The following LYPD6B variants were observed in gnomAD, a reference collection of about 807,000 sequenced individuals.
LYPD6B encodes ly6/PLAUR domain-containing protein 6B.
Under a neutral mutation model 22.8 loss-of-function variants are expected in LYPD6B, and 17 were observed. The observed-to-expected ratio is 0.75, with a 90% CI of 0.51 to 1.12. The LOEUF (loss-of-function observed/expected upper bound fraction) is 1.12. Among genes scored for constraint, LYPD6B ranks in the 50% most tolerant of loss-of-function variants. LYPD6B has a pLI of 0.00. For synonymous variants in LYPD6B, 106 were observed against 91.6 expected, an observed-to-expected ratio of 1.16 and a Z score of -0.90; for missense variants, 221 against 258.3, an observed-to-expected ratio of 0.86 and a Z score of 0.99.
intron 1 of LYPD6B, among the ~76,000 whole-genome samples, chr2:149,053,251 A>G (rs1390111945): frequency 6.6e-6 from 1 of 152,230 alleles, no homozygotes; most frequent in African/African-American, 2.4e-5. Flanking sequence ...GTGCTTTTAT[A>G]TTCCTTGTCT....
chr2:149,121,467 G>A (rs1314281333), intron 1 of LYPD6B, among the ~76,000 whole-genome samples: 1 of 152,124 alleles, frequency 6.6e-6, no homozygotes, highest in Non-Finnish European at 1.5e-5. Flanking sequence ...GATGATTGTT[G>A]CAGTCCCAGC....
chr2:149,098,862 C>T (rs1001316234), intron 1 of LYPD6B, among the ~76,000 whole-genome samples: 6 of 150,936 alleles, frequency 4.0e-5, no homozygotes, highest in African/African-American at 1.5e-4. Context: ...TGCACTTTTA[C>T]AAGGCTCCCA....
At chr2:149,094,448 A>G (rs1685809643) in intron 1 of LYPD6B, among the ~76,000 whole-genome samples, 5 of 152,294 alleles carry the variant, frequency 3.3e-5, no homozygotes, top group African/African-American at 9.6e-5. Flanking sequence ...TGGCTGAAAA[A>G]TCCTCCTGAA....
At chr2:149,069,402 G>T (rs536525630) in intron 1 of LYPD6B, among the ~76,000 whole-genome samples, 3 of 152,208 alleles carry the variant, frequency 2.0e-5, no homozygotes, top group Non-Finnish European at 2.9e-5. Flanking sequence ...CGGTGGAATT[G>T]TTTATGAATG....
chr2:149,074,840 C>T (rs910356662), intron 1 of LYPD6B, among the ~76,000 whole-genome samples: 2 of 152,066 alleles, frequency 1.3e-5, no homozygotes, highest in African/African-American at 2.4e-5. Flanking sequence ...CGGTAATTGA[C>T]TCATATGCTT....
At chr2:149,122,369 C>T (rs764639117) in intron 1 of LYPD6B, among the ~76,000 whole-genome samples, 1 of 151,950 alleles carries the variant, frequency 6.6e-6, no homozygotes, top group Non-Finnish European at 1.5e-5. Flanking sequence ...TTGATGGAGG[C>T]ATGTTTCTCA....
intron 1 of LYPD6B, among the ~76,000 whole-genome samples, chr2:149,060,614 G>C (rs1684032819): frequency 6.6e-6 from 1 of 152,130 alleles, no homozygotes; most frequent in Non-Finnish European, 1.5e-5. Flanking sequence ...ATGCAGTTTG[G>C]GACCCAAGCT....
intron 2 of LYPD6B, among the ~76,000 whole-genome samples, chr2:149,140,620 G>A (rs1688636983): frequency 6.6e-6 from 1 of 152,152 alleles, no homozygotes; most frequent in South Asian, 2.1e-4. Flanking sequence ...ATCTCTTTAA[G>A]CTTATCCTTG....
At chr2:149,127,493 C>T (rs1687770565) in intron 1 of LYPD6B, among the ~76,000 whole-genome samples, 1 of 152,170 alleles carries the variant, frequency 6.6e-6, no homozygotes, top group Non-Finnish European at 1.5e-5. Flanking sequence ...GTCTCTGGTT[C>T]CAGAGGACTT....
At chr2:149,182,372 A>T (rs919071529) in intron 3 of LYPD6B, among the ~76,000 whole-genome samples, 2 of 152,170 alleles carry the variant, frequency 1.3e-5, no homozygotes, top group Non-Finnish European at 2.9e-5. Context: ...CTTCGTATAG[A>T]TCTGTTTAAT....
chr2:149,053,183 T>C (rs965865222), intron 1 of LYPD6B, among the ~76,000 whole-genome samples: 11 of 152,212 alleles, frequency 7.2e-5, no homozygotes, highest in Non-Finnish European at 1.2e-4. Context: ...CATACATACA[T>C]ATGGAGGTAA....
At chr2:149,160,418 G>A (rs753188020) in intron 2 of LYPD6B, 27 of 468,878 alleles carry the variant, frequency 5.8e-5, no homozygotes, top group Non-Finnish European at 1.0e-4. Flanking sequence ...ATATATGCCA[G>A]TGTTGTAGAG....
intron 2 of LYPD6B, chr2:149,154,198 A>T (rs1229265714): frequency 6.6e-6 from 1 of 151,980 alleles, no homozygotes; most frequent in Non-Finnish European, 1.4e-5. Flanking sequence ...GGATGAGCTC[A>T]TCCTGGATTG....
chr2:149,181,160 C>T (rs1691689360), intron 3 of LYPD6B, among the ~76,000 whole-genome samples: 1 of 152,184 alleles, frequency 6.6e-6, no homozygotes, highest in South Asian at 2.1e-4. Context: ...GGAACTCCAG[C>T]AGGGTTGTGG....
intron 1 of LYPD6B, among the ~76,000 whole-genome samples, chr2:149,050,981 C>A (rs902223999): frequency 1.3e-5 from 2 of 151,770 alleles, no homozygotes; most frequent in Non-Finnish European, 2.9e-5. Context: ...TCCTACCACA[C>A]AGAAATAGTC....
At chr2:149,051,012 AATC>A (rs1683526517) in intron 1 of LYPD6B, among the ~76,000 whole-genome samples, 1 of 151,782 alleles carries the variant, frequency 6.6e-6, no homozygotes, top group South Asian at 2.1e-4. Context: ...TTTTAATCTT[AATC>A]ATTATAATTT....
At chr2:149,136,148 T>C (rs1688357973) in intron 2 of LYPD6B, among the ~76,000 whole-genome samples, 2 of 152,228 alleles carry the variant, frequency 1.3e-5, no homozygotes, top group Admixed American at 6.5e-5. Context: ...TTATATCTTA[T>C]TCAGAACATT....
At chr2:149,106,918 C>T (rs957106372) in intron 1 of LYPD6B, among the ~76,000 whole-genome samples, 2 of 151,994 alleles carry the variant, frequency 1.3e-5, no homozygotes, top group Admixed American at 1.3e-4. Flanking sequence ...ATACAGCAGT[C>T]CCCCCTTATC....
intron 1 of LYPD6B, among the ~76,000 whole-genome samples, chr2:149,087,809 T>C (rs1685468257): frequency 6.6e-6 from 1 of 152,192 alleles, no homozygotes; most frequent in African/African-American, 2.4e-5. Context: ...ATGCCGTGCA[T>C]CTACTGAATC....
Sources: gnomAD v4.1 joint callset for allele counts (sites outside exome capture counted in the v4.1 genomes callset) on GRCh38, gnomAD v4.1.1 for gene constraint, MANE v1.5 for transcripts, NCBI Gene and HGNC (gene_info 2026-07-23, HGNC 2026-07-21) for gene names.